FIRRM: variants seen among roughly 807,000 people sequenced by gnomAD.
FIRRM encodes FIGNL1-interacting regulator of recombination and mitosis.
At chr1:169,847,603 C>A in the FIRRM span, 2 of 968,848 alleles carry the variant, frequency 2.1e-6, no homozygotes, top group Admixed American at 2.2e-5. Context: ...CCCCTCCCCA[C>A]ATTTCCATCC....
At chr1:169,827,271 A>G in the FIRRM span, 1 of 1,244,850 alleles carries the variant, frequency 8.0e-7, no homozygotes, top group Non-Finnish European at 1.1e-6. Flanking sequence ...TCCCCTAGCC[A>G]TTCTTTTTTA....
the FIRRM span, chr1:169,803,331 C>T: frequency 6.2e-7 from 1 of 1,610,052 alleles, no homozygotes; most frequent in Non-Finnish European, 8.5e-7. Context: ...TCTAATTATA[C>T]TTTGAATGGT....
the FIRRM span, chr1:169,849,952 C>A: frequency 2.1e-6 from 1 of 466,078 alleles, no homozygotes; most frequent in Non-Finnish European, 3.9e-6. Flanking sequence ...GCTGATGAAC[C>A]TAAACCTGTA....
chr1:169,795,264 G>GCGAA, the FIRRM span: 1 of 1,517,026 alleles, frequency 6.6e-7, no homozygotes, highest in Non-Finnish European at 8.8e-7. Context: ...TGGGCGGGTC[G>GCGAA]CGAACCTTTC....
At chr1:169,813,861 G>A in the FIRRM span, among the ~76,000 whole-genome samples, 8 of 152,150 alleles carry the variant, frequency 5.3e-5, no homozygotes, top group Non-Finnish European at 7.4e-5. Context: ...ACTGGTTTCC[G>A]GTTACAGCAG....
chr1:169,851,751 G>GT, the FIRRM span: 2 of 1,560,442 alleles, frequency 1.3e-6, no homozygotes, highest in Non-Finnish European at 1.7e-6. Context: ...AAATTATGTG[G>GT]CCATTTCATA....
the FIRRM span, among the ~76,000 whole-genome samples, chr1:169,802,201 A>G: frequency 2.0e-5 from 3 of 152,340 alleles, no homozygotes; most frequent in Admixed American, 2.0e-4. Flanking sequence ...AAAATAAGTG[A>G]GTAGTGAATA....
chr1:169,804,367 A>G, the FIRRM span: 1 of 817,770 alleles, frequency 1.2e-6, no homozygotes, highest in Non-Finnish European at 1.7e-6. Context: ...ATCTTACCAA[A>G]TAAATTTTTA....
chr1:169,821,028 CAATT>C, the FIRRM span, among the ~76,000 whole-genome samples: 45 of 152,144 alleles, frequency 3.0e-4, no homozygotes, highest in Admixed American at 2.9e-3. Context: ...AATTGCTACT[CAATT>C]AAGGTGTTTT....
At chr1:169,798,991 T>G in the FIRRM span, 1 of 954,440 alleles carries the variant, frequency 1.0e-6, no homozygotes, top group Non-Finnish European at 1.6e-6. Context: ...TATGATGTAC[T>G]TTGATGTTAA....
At chr1:169,851,403 T>C in the FIRRM span, 1 of 157,514 alleles carries the variant, frequency 6.3e-6, no homozygotes, top group African/African-American at 2.4e-5. Context: ...AGTGTGGTGG[T>C]GTGATCATAG....
the FIRRM span, chr1:169,793,665 C>T: frequency 2.5e-6 from 4 of 1,604,700 alleles, no homozygotes; most frequent in Non-Finnish European, 3.4e-6. Flanking sequence ...TCCAGATGGT[C>T]TTCTATAGTG....
chr1:169,846,652 C>CTT, the FIRRM span, among the ~76,000 whole-genome samples: 8 of 152,140 alleles, frequency 5.3e-5, no homozygotes. Context: ...TCAAACATTT[C>CTT]TTCTGCAGCT....
the FIRRM span, among the ~76,000 whole-genome samples, chr1:169,839,840 G>A: frequency 6.6e-6 from 1 of 152,042 alleles, no homozygotes; most frequent in Non-Finnish European, 1.5e-5. Flanking sequence ...TTTTTTCCTA[G>A]GATTCTTATA....
the FIRRM span, among the ~76,000 whole-genome samples, chr1:169,840,389 A>C: frequency 1.3e-5 from 2 of 152,010 alleles, no homozygotes; most frequent in African/African-American, 4.8e-5. Flanking sequence ...TGTGTCATCT[A>C]TGATTTCTTT....
chr1:169,792,150 G>A, the FIRRM span, among the ~76,000 whole-genome samples: 3 of 152,162 alleles, frequency 2.0e-5, no homozygotes, highest in East Asian at 1.9e-4. Context: ...AAAACAAAAC[G>A]AAACAAAAAC....
the FIRRM span, among the ~76,000 whole-genome samples, chr1:169,786,646 C>T: frequency 1.3e-5 from 2 of 152,130 alleles, no homozygotes; most frequent in Non-Finnish European, 2.9e-5. Flanking sequence ...TACAGAAATT[C>T]ACTAGAAGTT....
the FIRRM span, among the ~76,000 whole-genome samples, chr1:169,841,705 G>A: frequency 6.6e-6 from 1 of 151,974 alleles, no homozygotes; most frequent in Non-Finnish European, 1.5e-5. Flanking sequence ...AAAACAACAG[G>A]AAAAATAAAA....
At chr1:169,825,980 T>G in the FIRRM span, 1 of 175,470 alleles carries the variant, frequency 5.7e-6, no homozygotes, top group African/African-American at 2.4e-5. Context: ...TTCTTCAGTG[T>G]TAGTATACAG....
Sources: gnomAD v4.1 joint callset for allele counts (sites outside exome capture counted in the v4.1 genomes callset) on GRCh38, gnomAD v4.1.1 for gene constraint, MANE v1.5 for transcripts, NCBI Gene and HGNC (gene_info 2026-07-23, HGNC 2026-07-21) for gene names.